The following SSBP3 variants were observed in gnomAD, a reference collection of about 807,000 sequenced individuals.
The protein encoded by SSBP3 is single-stranded DNA-binding protein 3.
A neutral mutation model predicts 69.6 loss-of-function variants in SSBP3; 5 were observed. That is an observed-to-expected ratio of 0.07 (90% CI 0.04 to 0.15). The LOEUF (loss-of-function observed/expected upper bound fraction) is 0.15, where lower values mean the gene tolerates loss of function less well. SSBP3 is among the 10% of genes least tolerant of loss of function. SSBP3 has a pLI of 1.00. For missense variants in SSBP3, 312 were observed against 534.0 expected, an observed-to-expected ratio of 0.58 and a Z score of 4.10; for synonymous variants, 196 against 193.4, an observed-to-expected ratio of 1.01 and a Z score of -0.11.
At chr1:54,337,653 A>C (rs1175559582) in intron 4 of SSBP3, among the ~76,000 whole-genome samples, 1 of 149,958 alleles carries the variant, frequency 6.7e-6, no homozygotes, top group African/African-American at 2.5e-5. Flanking sequence ...CCACCACCAC[A>C]CCCGACTAAT....
chr1:54,225,726 T>A, exon 18 of SSBP3: 1 of 173,420 alleles, frequency 5.8e-6, no homozygotes, highest in East Asian at 1.5e-4. Flanking sequence ...AATTCGGGTG[T>A]CTTCCAGGGC....
At chr1:54,271,176 T>TC (rs1437568660) in intron 5 of SSBP3, among the ~76,000 whole-genome samples, 2 of 152,246 alleles carry the variant, frequency 1.3e-5, no homozygotes, top group Admixed American at 1.3e-4. Flanking sequence ...AGTGGTGTGA[T>TC]CGAGGCTCAC....
intron 4 of SSBP3, among the ~76,000 whole-genome samples, chr1:54,373,694 G>A (rs1029418338): frequency 6.6e-6 from 1 of 151,882 alleles, no homozygotes; most frequent in Non-Finnish European, 1.5e-5. Flanking sequence ...TTGAGCCCGG[G>A]AGGTGGAAGC....
intron 14 of SSBP3, among the ~76,000 whole-genome samples, chr1:54,232,714 T>C (rs1055552441): frequency 6.7e-6 from 1 of 148,466 alleles, no homozygotes; most frequent in Non-Finnish European, 1.5e-5. Context: ...TGCCTCAGCC[T>C]GCCGAGTGCC....
chr1:54,314,139 G>T (rs114542229), intron 4 of SSBP3, among the ~76,000 whole-genome samples: 1,693 of 152,274 alleles, frequency 0.011, 38 homozygotes, highest in African/African-American at 0.039. Flanking sequence ...GGGGGGCTTA[G>T]CCAAACAGTT....
intron 11 of SSBP3, 130 bp downstream of exon 11, chr1:54,242,034 C>G (rs1644648254): frequency 9.0e-7 from 1 of 1,108,452 alleles, no homozygotes; most frequent in African/African-American, 1.6e-5. Context: ...ACGGCCTTCT[C>G]CCTAGAAGCA....
intron 4 of SSBP3, among the ~76,000 whole-genome samples, chr1:54,327,041 C>CA (rs1439283188): frequency 6.6e-6 from 1 of 151,972 alleles, no homozygotes; most frequent in Non-Finnish European, 1.5e-5. Context: ...CAGAGCCGGG[C>CA]CTCCTGGTTT....
chr1:54,398,570 T>G (rs1349948906), intron 4 of SSBP3, among the ~76,000 whole-genome samples: 1 of 152,100 alleles, frequency 6.6e-6, no homozygotes, highest in Non-Finnish European at 1.5e-5. Context: ...AAGTGTCCAC[T>G]CTACAAAAGG....
intron 4 of SSBP3, among the ~76,000 whole-genome samples, chr1:54,331,335 A>G (rs1159203177): frequency 2.6e-5 from 4 of 152,224 alleles, no homozygotes; most frequent in African/African-American, 9.6e-5. Context: ...GAAGAGGAAG[A>G]AAAAGCTCGC....
Position 54,316,668 on chromosome 1 carries a change from ATAAATAAAT to A in SSBP3, c.277-35150_277-35142del, listed in dbSNP as rs1557525433. Reference sequence around the variant, plus strand: ...GTCTCAAAAAAAAAAAATAAAATAAATAAATAAATAAATAAATAAATAAATAAATAAATA... The same window carrying A: ...GTCTCAAAAAAAAAAAATAAAATAAAAAATAAATAAATAAATAAATAAATA... On this transcript the variant is annotated intron_variant, in intron 4 of 17. Transcript: ENST00000610401. Among the ~76,000 whole-genome samples, 98 of 45,510 alleles carry A rather than the reference ATAAATAAAT, an allele frequency of 2.2e-3. 4 individuals are homozygous for A. The highest frequency in any genetic ancestry group is 5.9e-3 in the East Asian group (6 of 1,012). The allele number at this position is 45,510 out of a possible 152,430, so 29.9% of individuals were successfully genotyped here. A position where few individuals can be genotyped will look rare whatever the true frequency, so the allele number is the denominator to read the frequency against.
chr1:54,395,708 G>C (rs1435149882), intron 4 of SSBP3, among the ~76,000 whole-genome samples: 1 of 152,088 alleles, frequency 6.6e-6, no homozygotes, highest in Non-Finnish European at 1.5e-5. Flanking sequence ...TGAGGCTCCC[G>C]GCCAGGAAAT....
chr1:54,329,792 C>T (rs1646375764), intron 4 of SSBP3, among the ~76,000 whole-genome samples: 1 of 152,218 alleles, frequency 6.6e-6, no homozygotes, highest in African/African-American at 2.4e-5. Context: ...AGCCGCTCCC[C>T]TCCCTGAGAA....
At chr1:54,342,621 G>C (rs1488404579) in intron 4 of SSBP3, among the ~76,000 whole-genome samples, 1 of 152,138 alleles carries the variant, frequency 6.6e-6, no homozygotes, top group Non-Finnish European at 1.5e-5. Flanking sequence ...GGAAGGCAGA[G>C]AACACTGGGC....
chr1:54,258,264 G>T lies in SSBP3; in HGVS notation c.367-115C>A, dbSNP rs1004585948. ...CGAAGGGTGGGCGGCGGGCGTGCGG[G>T]GGGGTGGGCTCTGGTTGGTGGGAGG... On this transcript the variant is annotated intron_variant, in intron 5 of 17. Coordinates refer to ENST00000610401, the Ensembl canonical transcript of SSBP3. The surrounding 1 kb of genome is among the most constrained non-coding windows in gnomAD (Gnocchi z 4.5). 2.2e-5 allele frequency: 17 copies of T among 779,442 alleles called. No individual in the cohort carries two copies. The highest frequency in any genetic ancestry group is 5.5e-5 in the South Asian group (2 of 36,448). The allele number at this position is 779,442 out of a possible 1,614,324, so 48.3% of individuals were successfully genotyped here.
At chr1:54,248,364 G>C (rs1644768944) in intron 9 of SSBP3, among the ~76,000 whole-genome samples, 1 of 152,200 alleles carries the variant, frequency 6.6e-6, no homozygotes, top group Non-Finnish European at 1.5e-5. Context: ...ACACCATGTG[G>C]GGACTTCAAG....
intron 4 of SSBP3, among the ~76,000 whole-genome samples, chr1:54,296,719 G>A (rs776527798): frequency 2.6e-5 from 4 of 152,210 alleles, no homozygotes; most frequent in African/African-American, 7.2e-5. Flanking sequence ...TGCCTGGCAC[G>A]CATCCATCAG....
At chr1:54,253,924 T>A (rs588698) in intron 7 of SSBP3, among the ~76,000 whole-genome samples, 1 of 152,188 alleles carries the variant, frequency 6.6e-6, no homozygotes, top group Non-Finnish European at 1.5e-5. Flanking sequence ...GTGTCGGAAC[T>A]CCAGGAGCAA....
At chr1:54,346,457 T>C (rs1007773417) in intron 4 of SSBP3, among the ~76,000 whole-genome samples, 17 of 152,150 alleles carry the variant, frequency 1.1e-4, no homozygotes, top group Admixed American at 8.5e-4. Flanking sequence ...GGTTGAATTG[T>C]GTACCTCCAA....
chr1:54,234,191 TC>T (rs1644444686), intron 14 of SSBP3, among the ~76,000 whole-genome samples: 1 of 151,044 alleles, frequency 6.6e-6, no homozygotes, highest in East Asian at 1.9e-4. Flanking sequence ...TCTCAAGTAA[TC>T]AGGGACACAA....
Sources: gnomAD v4.1 joint callset for allele counts (sites outside exome capture counted in the v4.1 genomes callset) on GRCh38, gnomAD v4.1.1 for gene constraint, Gnocchi (gnomAD v3.1) non-coding constraint, MANE v1.5 for transcripts, NCBI Gene and HGNC (gene_info 2026-07-23, HGNC 2026-07-21) for gene names.